TNXB: variants seen among roughly 807,000 people sequenced by gnomAD.
TNXB encodes the protein tenascin XB.
In TNXB, 183 loss-of-function variants were observed where a neutral mutation model predicts 340.5. The ratio of observed to expected loss-of-function variants is 0.54; its 90% CI spans 0.48 to 0.61. The LOEUF (loss-of-function observed/expected upper bound fraction) is 0.61. Ranked by LOEUF, TNXB falls within the 20% of genes least tolerant of loss-of-function variation. The pLI, the probability that TNXB is intolerant of heterozygous loss-of-function variation, is 0.00. For missense variants in TNXB, 4,613 were observed against 5,446.4 expected (o/e 0.85, Z 4.82); for synonymous variants, 2,121 against 2,314.5 (o/e 0.92, Z 2.40).
intron 11 of TNXB, among the ~76,000 whole-genome samples, chr6:32,078,063 C>G (rs1352619178): frequency 1.1e-5 from 1 of 92,990 alleles, no homozygotes; most frequent in Admixed American, 1.2e-4. Context: ...GAGAGAGAGA[C>G]AGAAAGAAAG....
chr6:32,064,299 G>A lies in TNXB; in HGVS notation c.6841+522C>T, dbSNP rs1029382909. Among the ~76,000 whole-genome samples, 2 of 152,082 alleles carry A rather than the reference G, an allele frequency of 1.3e-5. No individual in the cohort carries two copies. Among genetic ancestry groups the A allele is most frequent in the Non-Finnish European group, 2.9e-5 (2 of 68,022 alleles). On this transcript the variant is annotated intron_variant, in intron 19 of 43. Coordinates refer to ENST00000644971, the MANE Select transcript of TNXB (RefSeq NM_001365276.2). The surrounding 1 kb of genome is among the most constrained non-coding windows in gnomAD (Gnocchi z 5.3). ...TCGATCTCGGCTCACTGCAACCTCC[G>A]CCTCCTGGGTTCAAGCGATTCTCCC...
intron 3 of TNXB, among the ~76,000 whole-genome samples, chr6:32,095,401 T>TGG (rs1780274174): frequency 6.6e-6 from 1 of 152,022 alleles, no homozygotes; most frequent in African/African-American, 2.4e-5. Flanking sequence ...TAAATGCAAC[T>TGG]AAATGGGCCC....
rs1451701272 is a variant in TNXB, at chr6:32,046,602, C to T, written c.10325-146G>A. ...CCTTGAGGAGACACACAGGCCTGCTCCCGCCATGCCCCACAGGAATGAGGG... is the reference window on the plus strand; with the variant it reads ...CCTTGAGGAGACACACAGGCCTGCTTCCGCCATGCCCCACAGGAATGAGGG... On this transcript the variant is annotated intron_variant, in intron 30 of 43. Transcript: ENST00000644971. The surrounding 1 kb of genome is among the most constrained non-coding windows in gnomAD (Gnocchi z 6.9). The T allele has an allele frequency of 4.7e-6, 3 of 632,386 alleles. No individual in the cohort carries two copies. Among genetic ancestry groups the T allele is most frequent in the Non-Finnish European group, 7.6e-6 (3 of 394,608 alleles). The allele number at this position is 632,386 out of a possible 1,614,324, so 39.2% of individuals were successfully genotyped here.
Position 32,067,781 on chromosome 6 carries a change from C to A in TNXB, c.6424G>T (p.Gly2142Trp), listed in dbSNP as rs773110876. ...ACGGTGACTTCACTCTCCTCGCCCC[C>A]AACACGCACCACCTGGGGCCGCCCG... ...RDGRPQVVRV[G>W]GEESEVTVGG... Residue 2142 changes from glycine (G) to tryptophan (W), a missense_variant, in exon 18 of 44, where the codon GGG becomes TGG. This residue lies in a region of TNXB where 4,327 missense variants were observed against 4,859.4 expected (regional missense o/e 0.89). Coordinates refer to ENST00000644971, the MANE Select transcript of TNXB (RefSeq NM_001365276.2). This position sits in a 1 kb window ranked among gnomAD's most constrained non-coding sequence, Gnocchi z 4.2. The A allele has an allele frequency of 6.2e-7, 1 of 1,613,650 alleles. No individual in the cohort carries two copies. Among genetic ancestry groups the A allele is most frequent in the South Asian group, 1.1e-5 (1 of 91,070 alleles).
chr6:32,070,153 C>T lies in TNXB; in HGVS notation c.5252G>A (p.Gly1751Asp), dbSNP rs745720911. The T allele has an allele frequency of 2.8e-5, 45 of 1,593,470 alleles. No homozygotes were observed. The highest frequency in any genetic ancestry group is 3.8e-5 in the Non-Finnish European group (44 of 1,167,960). The change falls in exon 14 of 44, where the codon GGC (glycine) becomes GAC (aspartate). Residue 1751 changes from glycine to aspartate, a missense_variant. By Grantham distance (94) the Gly-to-Asp change is moderately conservative. Coordinates refer to ENST00000644971, the MANE Select transcript of TNXB (RefSeq NM_001365276.2). This position sits in a 1 kb window ranked among gnomAD's most constrained non-coding sequence, Gnocchi z 6.0. ...LYGLLGKKRH[G>D]PLTADGTTEA... ...CGTGGTGCCGTCGGCAGTGAGAGGG[C>T]CATGGCGCTTCTTGCCCAGGAGGCC...
In TNXB at chr6:32,081,315, C is replaced by A; in HGVS notation, c.4042+53G>T. ...GGCTGGAAGGAGCCCCAGCCAAGTCCCGCTCACAGGATGGGGCTAGCAGGG... is the reference window on the plus strand; with the variant it reads ...GGCTGGAAGGAGCCCCAGCCAAGTCACGCTCACAGGATGGGGCTAGCAGGG... On this transcript the variant is annotated intron_variant, in intron 10 of 43. Coordinates refer to ENST00000644971, the MANE Select transcript of TNXB (RefSeq NM_001365276.2). This position sits in a 1 kb window ranked among gnomAD's most constrained non-coding sequence, Gnocchi z 5.1. 6.7e-7 allele frequency: 1 copy of A among 1,487,450 alleles called. No homozygotes were observed. The highest frequency in any genetic ancestry group is 1.3e-5 in the South Asian group (1 of 75,720). 92.1% of individuals were successfully genotyped at this position (1,487,450 alleles called of 1,614,324 possible).
Position 32,070,295 on chromosome 6 carries a change from A to C in TNXB, c.5110T>G (p.Phe1704Val). The C allele has an allele frequency of 6.2e-7, 1 of 1,612,984 alleles. No homozygotes were observed. The highest frequency in any genetic ancestry group is 8.5e-7 in the Non-Finnish European group (1 of 1,179,544). Reference sequence around the variant, plus strand: ...TCTTTGTCCTTGAACTGGACCACAAAAGAGTCGAACTGGCCCTCAGGAACC... The same window carrying C: ...TCTTTGTCCTTGAACTGGACCACAACAGAGTCGAACTGGCCCTCAGGAACC... ...WTVPEGQFDS[F>V]VVQFKDKDGP... Residue 1704 changes from phenylalanine to valine, a missense_variant, in exon 14 of 44, where the codon TTT (phenylalanine) becomes GTT (valine). Around this residue, in one of 7 missense-constraint regions of TNXB, gnomAD observed 4,327 missense variants for 4,859.4 expected, o/e 0.89. Coordinates refer to ENST00000644971, the MANE Select transcript of TNXB (RefSeq NM_001365276.2). The surrounding 1 kb of genome is among the most constrained non-coding windows in gnomAD (Gnocchi z 6.0).
chr6:32,058,515 T>G lies in TNXB; in HGVS notation c.7493-125A>C. On this transcript the variant is annotated intron_variant, in intron 21 of 43. Coordinates refer to ENST00000644971, the MANE Select transcript of TNXB (RefSeq NM_001365276.2). This position sits in a 1 kb window ranked among gnomAD's most constrained non-coding sequence, Gnocchi z 5.1. Reference sequence around the variant, plus strand: ...GAGCAGGCTGAGGGCTGGGGCAGCTTTGTGTTCGCCGTTCAGTGACTCTTG... The same window carrying G: ...GAGCAGGCTGAGGGCTGGGGCAGCTGTGTGTTCGCCGTTCAGTGACTCTTG... 1.2e-6 allele frequency: 1 copy of G among 814,040 alleles called. No individual in the cohort carries two copies. Among genetic ancestry groups the G allele is most frequent in the South Asian group, 2.1e-5 (1 of 47,244 alleles). 50.4% of individuals were successfully genotyped at this position (814,040 alleles called of 1,614,324 possible).
rs1455427831 is a variant in TNXB, at chr6:32,058,578, T to C, written c.7493-188A>G. Among the ~76,000 whole-genome samples the C allele has an allele frequency of 6.6e-6, 1 of 151,824 alleles. No individual in the cohort carries two copies. The highest frequency in any genetic ancestry group is 1.5e-5 in the Non-Finnish European group (1 of 68,036). On this transcript the variant is annotated intron_variant, in intron 21 of 43. Transcript: ENST00000644971. The surrounding 1 kb of genome is among the most constrained non-coding windows in gnomAD (Gnocchi z 5.1). ...GTGAGGTATCCCCGAGCCCCCGGCC[T>C]GTACTGCTGGCAGAGCTGCACTGTT... is the stretch of plus-strand genomic sequence containing the variant.
At position 32,096,267 on chromosome 6, in the gene TNXB, G is replaced by A; in HGVS notation, c.1586C>T (p.Pro529Leu). The A allele has an allele frequency of 6.4e-7, 1 of 1,561,964 alleles. No homozygotes were observed. The highest frequency in any genetic ancestry group is 8.6e-7 in the Non-Finnish European group (1 of 1,157,942). ...TGEDCGSRRC[P>L]GDCRGHGLCE... ...AAGGCCGTGCCCACGGCAGTCCCCGGGACAGCGACGGCTCCCACAGTCCTC... is the reference window on the plus strand; with the variant it reads ...AAGGCCGTGCCCACGGCAGTCCCCGAGACAGCGACGGCTCCCACAGTCCTC... The change falls in exon 3 of 44, where the codon CCC (proline) becomes CTC (leucine). Residue 529 changes from proline (P) to leucine (L), a missense_variant. Pro to Leu is a moderately conservative substitution (Grantham distance 98). Coordinates refer to ENST00000644971, the MANE Select transcript of TNXB (RefSeq NM_001365276.2).
At position 32,089,006 on chromosome 6, in the gene TNXB, G is replaced by T. The variant is rs759942418; in HGVS notation, c.2558C>A (p.Pro853Gln). The T allele has an allele frequency of 1.2e-6, 2 of 1,610,836 alleles. No individual in the cohort carries two copies. The highest frequency in any genetic ancestry group is 2.2e-5 in the South Asian group (2 of 90,452). The change falls in exon 6 of 44, where the codon CCG (proline) becomes CAG (glutamine). Residue 853 changes from proline to glutamine, a missense_variant. Around this residue, in one of 7 missense-constraint regions of TNXB, gnomAD observed 4,327 missense variants for 4,859.4 expected, o/e 0.89. Transcript: ENST00000644971. This position sits in a 1 kb window ranked among gnomAD's most constrained non-coding sequence, Gnocchi z 6.2. Reference sequence around the variant, plus strand: ...CAGCCAGCCAAGCTCCAGTGTTGTCGGTGTCACAGCCACCACTCGGAGGTC... The same window carrying T: ...CAGCCAGCCAAGCTCCAGTGTTGTCTGTGTCACAGCCACCACTCGGAGGTC... ...PQDLRVVAVTPTTLELGWLRP... is the reference protein window; with the variant it reads ...PQDLRVVAVTQTTLELGWLRP...
rs748589387 is a variant in TNXB, at chr6:32,081,376, G to A, written c.4034C>T (p.Ala1345Val). The change falls in exon 10 of 44, where the codon GCC becomes GTC. Residue 1345 changes from alanine to valine, a missense_variant. Ala to Val is a moderately conservative substitution (Grantham distance 64). Transcript: ENST00000644971. This position sits in a 1 kb window ranked among gnomAD's most constrained non-coding sequence, Gnocchi z 5.1. ...RQRVGPESVVAKTAPQEDVDE... is the reference protein window; with the variant it reads ...RQRVGPESVVVKTAPQEDVDE... ...TGGCAGCCATGACTCACCAGTCTTG[G>A]CCACCACAGACTCGGGCCCCACACG... 2 of 1,537,078 alleles carry A rather than the reference G, an allele frequency of 1.3e-6. No homozygotes were observed. Among genetic ancestry groups the A allele is most frequent in the South Asian group, 2.4e-5 (2 of 82,674 alleles).
intron 1 of TNXB, among the ~76,000 whole-genome samples, chr6:32,106,853 C>A (rs1209284373): frequency 6.6e-6 from 1 of 152,238 alleles, no homozygotes; most frequent in Non-Finnish European, 1.5e-5. Context: ...AATGCTTGCA[C>A]AAAGATGTGT....
At position 32,075,820 on chromosome 6, in the gene TNXB, G is replaced by C. The variant is rs1345655780; in HGVS notation, c.4376-1868C>G. ...GCACTCATTAGTGAGCAAACTAGAA[G>C]GTGGTCCCAAGAGGCAAAATGGCAG... is the stretch of plus-strand genomic sequence containing the variant. On this transcript the variant is annotated intron_variant, in intron 11 of 43. Coordinates refer to ENST00000644971, the MANE Select transcript of TNXB (RefSeq NM_001365276.2). This position sits in a 1 kb window ranked among gnomAD's most constrained non-coding sequence, Gnocchi z 4.6. Among the ~76,000 whole-genome samples the C allele has an allele frequency of 6.6e-6, 1 of 152,212 alleles. No individual in the cohort carries two copies. The highest frequency in any genetic ancestry group is 2.4e-5 in the African/African-American group (1 of 41,452).
rs761097706 is a variant in TNXB, at chr6:32,067,945, A to G, written c.6260T>C (p.Met2087Thr). 3.1e-6 allele frequency: 5 copies of G among 1,612,282 alleles called. No individual in the cohort carries two copies. The East Asian group carries it at 6.7e-5, about 22-fold the overall frequency. ...EETPSPTEPS[M>T]EAPEPAEEPL... ...CTCCTCAGCGGGCTCCGGGGCCTCCATGCTGGGTTCTGTGGGGCTGGGGGT... is the reference window on the plus strand; with the variant it reads ...CTCCTCAGCGGGCTCCGGGGCCTCCGTGCTGGGTTCTGTGGGGCTGGGGGT... Residue 2087 changes from methionine to threonine, a missense_variant, in exon 18 of 44, where the codon ATG (methionine) becomes ACG (threonine). By Grantham distance (81) the Met-to-Thr change is moderately conservative. Around this residue, in one of 7 missense-constraint regions of TNXB, gnomAD observed 4,327 missense variants for 4,859.4 expected, o/e 0.89. Transcript: ENST00000644971. The surrounding 1 kb of genome is among the most constrained non-coding windows in gnomAD (Gnocchi z 4.2).
chr6:32,072,199 C>T lies in TNXB; in HGVS notation c.4781G>A (p.Gly1594Asp). ...TVTDITPDSVGLSWTVPEGEF... is the reference protein window; with the variant it reads ...TVTDITPDSVDLSWTVPEGEF... ...ACCCTCAGGGACTGTCCATGAGAGGCCCACAGAGTCAGGGGTTATATCCGT... is the reference window on the plus strand; with the variant it reads ...ACCCTCAGGGACTGTCCATGAGAGGTCCACAGAGTCAGGGGTTATATCCGT... Residue 1594 changes from glycine to aspartate, a missense_variant, in exon 13 of 44, where the codon GGC (glycine) becomes GAC (aspartate). Physicochemically the swap from Gly to Asp is moderately conservative, Grantham distance 94. Around this residue, in one of 7 missense-constraint regions of TNXB, gnomAD observed 4,327 missense variants for 4,859.4 expected, o/e 0.89. Transcript: ENST00000644971. This position sits in a 1 kb window ranked among gnomAD's most constrained non-coding sequence, Gnocchi z 4.4. The T allele has an allele frequency of 1.2e-6, 2 of 1,612,428 alleles. No individual in the cohort carries two copies. Among genetic ancestry groups the T allele is most frequent in the Non-Finnish European group, 8.5e-7 (1 of 1,179,344 alleles).
chr6:32,093,476 G>T (rs1420475344), intron 4 of TNXB: 2 of 678,386 alleles, frequency 2.9e-6, no homozygotes, highest in African/African-American at 3.5e-5. Context: ...ATAATGACAA[G>T]ACAAAGCAAA....
intron 39 of TNXB, 40 bp downstream of exon 39, chr6:32,042,659 C>A (rs1410665694): frequency 7.2e-7 from 1 of 1,379,490 alleles, no homozygotes; most frequent in African/African-American, 1.7e-5. Flanking sequence ...GCCCTGGCTG[C>A]CCACCCAGCC....
rs1284726770 is a variant in TNXB, at chr6:32,095,924, G to A, written c.1929C>T (p.Thr643=). 1 of 1,612,716 alleles carries A rather than the reference G, an allele frequency of 6.2e-7. No homozygotes were observed. The change falls in exon 3 of 44, where the codon ACC becomes ACT. Residue 643 remains threonine, a synonymous_variant. Coordinates refer to ENST00000644971, the MANE Select transcript of TNXB (RefSeq NM_001365276.2). ...ACATGCGGGTGGCACAGGTAGGGCC[G>A]GTGTAGCCTGGGTCGCACAGGCAGC... ...EGRCLCDPGY[T]GPTCATRMCP...
Sources: allele counts gnomAD v4.1 joint callset (sites outside exome capture counted in the v4.1 genomes callset), GRCh38; gene constraint gnomAD v4.1.1; regional missense constraint gnomAD v4.1.1; non-coding constraint Gnocchi (gnomAD v3.1); transcripts MANE v1.5; gene names NCBI Gene and HGNC (gene_info 2026-07-23, HGNC 2026-07-21).